Variants in RTTN observed in about 807,000 individuals in gnomAD.
RTTN encodes rotatin.
A neutral mutation model predicts 269.2 loss-of-function variants in RTTN; 182 were observed. The ratio of observed to expected loss-of-function variants is 0.68; its 90% CI spans 0.60 to 0.76. RTTN has a LOEUF of 0.76. Ranked by LOEUF, RTTN falls within the 30% of genes least tolerant of loss-of-function variation. The pLI, the probability that RTTN is intolerant of heterozygous loss-of-function variation, is 0.00. For missense variants in RTTN, 2,545 were observed against 2,608.6 expected, an observed-to-expected ratio of 0.98 and a Z score of 0.53; for synonymous variants, 1,006 against 963.5, an observed-to-expected ratio of 1.04 and a Z score of -0.82.
Position 70,179,994 on chromosome 18 carries a change from T to G in RTTN, c.1306-3149A>C, listed in dbSNP as rs531800651. Among the ~76,000 whole-genome samples the G allele has an allele frequency of 7.2e-5, 11 of 152,280 alleles. No individual in the cohort carries two copies. The East Asian group carries it at 1.5e-3, about 21-fold the overall frequency. ...ATCCCACCAGTCTCTCTCCACTATT[T>G]GCACCTCACATTTCATGGTCTAGGT... On this transcript the variant is annotated intron_variant, in intron 10 of 48. Coordinates refer to ENST00000640769, the MANE Select transcript of RTTN (RefSeq NM_173630.4).
At chr18:70,017,809 T>G in intron 45 of RTTN, 135 bp from the exon 46 acceptor site, 1 of 688,090 alleles carries the variant, frequency 1.5e-6, no homozygotes, top group South Asian at 2.0e-5. Context: ...AGCTTCTGAA[T>G]ATTCCATCTA....
chr18:70,034,789 G>A (rs1221097753), intron 40 of RTTN, among the ~76,000 whole-genome samples: 2 of 152,144 alleles, frequency 1.3e-5, no homozygotes, highest in African/African-American at 4.8e-5. Context: ...CCTATATCTA[G>A]AAAACCCCAT....
intron 34 of RTTN, among the ~76,000 whole-genome samples, chr18:70,072,791 C>T (rs1381504464): frequency 6.6e-6 from 1 of 152,086 alleles, no homozygotes; most frequent in Non-Finnish European, 1.5e-5. Context: ...AACTAAATAA[C>T]CAATTAAGAC....
At chr18:70,089,978 G>C (rs1158649410) in intron 30 of RTTN, among the ~76,000 whole-genome samples, 1 of 152,156 alleles carries the variant, frequency 6.6e-6, no homozygotes, top group Non-Finnish European at 1.5e-5. Flanking sequence ...AAATGAGAAA[G>C]CTTGTTCTAA....
chr18:70,198,301 C>T (rs550363641), intron 5 of RTTN, among the ~76,000 whole-genome samples: 51 of 152,256 alleles, frequency 3.3e-4, no homozygotes, highest in African/African-American at 1.2e-3. Flanking sequence ...CAGCCCAGTT[C>T]CATTATACTA....
chr18:70,205,367 C>G, intron 1 of RTTN, 52 bp from the exon 2 acceptor site: 1 of 1,598,968 alleles, frequency 6.3e-7, no homozygotes, highest in Non-Finnish European at 8.6e-7. Flanking sequence ...AAAGAGACTA[C>G]GTTATTTATG....
chr18:70,144,283 C>T (rs1398944392), intron 18 of RTTN, among the ~76,000 whole-genome samples: 2 of 152,164 alleles, frequency 1.3e-5, no homozygotes, highest in Middle Eastern at 3.2e-3. Context: ...CTGAGAAAAG[C>T]GACCCAGACC....
intron 15 of RTTN, 151 bp from the exon 16 acceptor site, chr18:70,150,238 A>G (rs2145792457): frequency 1.6e-6 from 1 of 617,350 alleles, no homozygotes. Context: ...ATCATCTTAC[A>G]TTCTGTTCTG....
In RTTN at chr18:70,165,075, G is replaced by A. The variant is rs1452184329; in HGVS notation, c.1929+987C>T. On this transcript the variant is annotated intron_variant, in intron 14 of 48. Transcript: ENST00000640769. ...GCCAAATTACTATTCAAAATAAAGT[G>A]AAATCATGACATTTTCAAACGTATG... is the stretch of plus-strand genomic sequence containing the variant. Among the ~76,000 whole-genome samples, 3 of 152,050 alleles carry A rather than the reference G, an allele frequency of 2.0e-5. No individual in the cohort carries two copies. The East Asian group carries it at 5.8e-4, about 29-fold the overall frequency.
intron 40 of RTTN, among the ~76,000 whole-genome samples, 162 bp from the exon 41 acceptor site, chr18:70,031,143 C>G (rs920826538): frequency 2.0e-4 from 31 of 152,130 alleles, no homozygotes; most frequent in African/African-American, 7.0e-4. Flanking sequence ...GAATGTTCTG[C>G]GTGGATAAGA....
chr18:70,159,326 C>A (rs1302286154), intron 14 of RTTN, among the ~76,000 whole-genome samples: 1 of 152,108 alleles, frequency 6.6e-6, no homozygotes, highest in Non-Finnish European at 1.5e-5. Flanking sequence ...AAACAACCTG[C>A]ACCTGAATGA....
In RTTN at chr18:70,020,763, T is replaced by C. The variant is rs373682582; in HGVS notation, c.6005A>G (p.His2002Arg). The change falls in exon 45 of 49, where the codon CAT becomes CGT. Residue 2002 changes from histidine (H) to arginine (R), a missense_variant. His to Arg is a conservative substitution (Grantham distance 29, BLOSUM62 0). Transcript: ENST00000640769. ...SCGQHPVQATHRGAVSNSLML... is the reference protein window; with the variant it reads ...SCGQHPVQATRRGAVSNSLML... ...CAGAGAGTTGCTCACGGCTCCTCTA[T>C]GTGTAGCTTGAACAGGGTGTTGTCC... 1 of 1,613,930 alleles carries C rather than the reference T, an allele frequency of 6.2e-7. No individual in the cohort carries two copies. Among genetic ancestry groups the C allele is most frequent in the African/African-American group, 1.3e-5 (1 of 74,934 alleles).
intron 25 of RTTN, among the ~76,000 whole-genome samples, 173 bp downstream of exon 25, chr18:70,127,329 A>G (rs955809693): frequency 6.6e-6 from 1 of 152,194 alleles, no homozygotes; most frequent in African/African-American, 2.4e-5. Flanking sequence ...CAATGCAATA[A>G]CTAAATTAAA....
Position 70,057,785 on chromosome 18 carries a change from G to C in RTTN, c.4988C>G (p.Ala1663Gly). 6.2e-7 allele frequency: 1 copy of C among 1,613,818 alleles called. No homozygotes were observed. The highest frequency in any genetic ancestry group is 8.5e-7 in the Non-Finnish European group (1 of 1,179,814). ...LIQTCVQELR[A>G]LLPSSPPAEH... ...AGCTGGAGGTGATGAAGGCAGCAGG[G>C]CTCTGAGTTCCTGGACACATGTCTG... The change falls in exon 37 of 49, where the codon GCC (alanine) becomes GGC (glycine). Residue 1663 changes from alanine (A) to glycine (G), a missense_variant. Ala to Gly is a moderately conservative substitution (Grantham distance 60). Transcript: ENST00000640769.
chr18:70,070,013 A>G (rs1403439824), intron 34 of RTTN, among the ~76,000 whole-genome samples: 1 of 152,220 alleles, frequency 6.6e-6, no homozygotes, highest in Admixed American at 6.5e-5. Flanking sequence ...AATTATAACA[A>G]GAAGTTTAAA....
At chr18:70,097,570 C>A (rs778214571) in intron 28 of RTTN, among the ~76,000 whole-genome samples, 2 of 152,152 alleles carry the variant, frequency 1.3e-5, no homozygotes, top group Admixed American at 1.3e-4. Flanking sequence ...ATTTTCTGCT[C>A]GAGATGTTTT....
intron 28 of RTTN, 121 bp downstream of exon 28, chr18:70,109,377 G>T: frequency 1.5e-6 from 1 of 672,476 alleles, no homozygotes. Flanking sequence ...TCACTATTAT[G>T]ACTTATATAA....
In RTTN at chr18:70,163,096, A is replaced by C. The variant is rs7243828; in HGVS notation, c.1929+2966T>G. On this transcript the variant is annotated intron_variant, in intron 14 of 48. Transcript: ENST00000640769. ...AAAAAAAAAAAAAAAAAAAAAAAAAAAACAAGGCCAGACACGGTGGCTCAC... is the reference window on the plus strand; with the variant it reads ...AAAAAAAAAAAAAAAAAAAAAAAAACAACAAGGCCAGACACGGTGGCTCAC... Among the ~76,000 whole-genome samples the C allele has an allele frequency of 6.9e-3, 1,016 of 146,322 alleles. 14 individuals are homozygous for C. Among genetic ancestry groups the C allele is most frequent in the African/African-American group, 0.024 (950 of 38,786 alleles).
chr18:70,105,852 T>A (rs2059307289), intron 28 of RTTN, among the ~76,000 whole-genome samples: 1 of 152,084 alleles, frequency 6.6e-6, no homozygotes, highest in Admixed American at 6.5e-5. Flanking sequence ...TTATGCTACA[T>A]TTCCAAAATG....
Sources: allele counts gnomAD v4.1 joint callset (sites outside exome capture counted in the v4.1 genomes callset), GRCh38; gene constraint gnomAD v4.1.1; transcripts MANE v1.5; gene names NCBI Gene and HGNC (gene_info 2026-07-23, HGNC 2026-07-21).